Variants in SCG3 observed in about 807,000 individuals in gnomAD.
SCG3 encodes secretogranin-3.
Under a neutral mutation model 56.2 loss-of-function variants are expected in SCG3, and 38 were observed. The observed-to-expected ratio is 0.68, with a 90% confidence interval of 0.52 to 0.89. SCG3 has a LOEUF of 0.89. Among genes scored for constraint, SCG3 ranks in the 40% least tolerant of loss-of-function variants. SCG3 has a pLI of 0.00. For missense variants in SCG3, 524 were observed against 540.7 expected, an observed-to-expected ratio of 0.97 and a Z score of 0.31; for synonymous variants, 176 against 184.2, an observed-to-expected ratio of 0.96 and a Z score of 0.36.
intron 10 of SCG3, among the ~76,000 whole-genome samples, chr15:51,704,760 A>ATAC (rs2055362722): frequency 4.5e-5 from 2 of 44,096 alleles, no homozygotes; most frequent in Non-Finnish European, 1.0e-4. Context: ...TGTTGTGAGT[A>ATAC]ATACATATAT....
At chr15:51,691,802 T>C (rs983738291) in intron 6 of SCG3, among the ~76,000 whole-genome samples, 7 of 152,166 alleles carry the variant, frequency 4.6e-5, no homozygotes, top group Non-Finnish European at 8.8e-5. Context: ...GTGGATTCTG[T>C]GAACTCAAAG....
intron 10 of SCG3, among the ~76,000 whole-genome samples, chr15:51,704,244 C>CATACATATATATATATATATAT (rs751546589): frequency 1.1e-3 from 78 of 73,600 alleles, no homozygotes; most frequent in East Asian, 3.6e-3. Context: ...TACATACATA[C>CATACATATATATATATATATAT]ATATATATAT....
At chr15:51,710,834 G>A (rs1047205158) in intron 10 of SCG3, among the ~76,000 whole-genome samples, 4 of 148,192 alleles carry the variant, frequency 2.7e-5, no homozygotes, top group Non-Finnish European at 5.9e-5. Flanking sequence ...AGGTTCAAGC[G>A]ATCTGCCCAC....
At chr15:51,699,841 C>T (rs1413184052) in intron 9 of SCG3, among the ~76,000 whole-genome samples, 1 of 152,022 alleles carries the variant, frequency 6.6e-6, no homozygotes, top group East Asian at 1.9e-4. Flanking sequence ...TGGTCTGTGC[C>T]CCTAGGTAGT....
intron 11 of SCG3, among the ~76,000 whole-genome samples, chr15:51,718,844 A>G (rs77984223): frequency 6.7e-6 from 1 of 149,818 alleles, no homozygotes; most frequent in African/African-American, 2.4e-5. Context: ...TCTTAATTTG[A>G]AAAAAAAAAG....
intron 10 of SCG3, among the ~76,000 whole-genome samples, chr15:51,711,021 GA>G (rs765285838): frequency 6.6e-6 from 1 of 152,166 alleles, no homozygotes; most frequent in Non-Finnish European, 1.5e-5. Flanking sequence ...GTAGGTACAT[GA>G]GCAGGAAGAG....
chr15:51,688,140 C>T, intron 4 of SCG3, 120 bp from the exon 5 acceptor site: 7 of 972,462 alleles, frequency 7.2e-6, no homozygotes, highest in Admixed American at 2.9e-5. Context: ...CGAGAACCAC[C>T]ATAAATACAT....
chr15:51,686,693 T>TTGTTTGTTTGTTTGTA (rs2055231086), intron 4 of SCG3, among the ~76,000 whole-genome samples: 1 of 151,566 alleles, frequency 6.6e-6, no homozygotes, highest in African/African-American at 2.4e-5. Context: ...GTTTGTTTGT[T>TTGTTTGTTTGTTTGTA]TGTTTGTTTG....
intron 10 of SCG3, among the ~76,000 whole-genome samples, chr15:51,704,280 A>AT (rs2055359648): frequency 5.1e-5 from 3 of 59,208 alleles, no homozygotes; most frequent in Non-Finnish European, 1.1e-4. Flanking sequence ...TATATATATA[A>AT]AATAGCTCTT....
At chr15:51,700,367 A>G (rs1271894237) in intron 9 of SCG3, among the ~76,000 whole-genome samples, 5 of 152,220 alleles carry the variant, frequency 3.3e-5, no homozygotes, top group Non-Finnish European at 5.9e-5. Flanking sequence ...TTGAGGTTCC[A>G]AATATTTTAT....
At chr15:51,708,576 C>A (rs369987986) in intron 10 of SCG3, among the ~76,000 whole-genome samples, 2 of 152,194 alleles carry the variant, frequency 1.3e-5, no homozygotes, top group Non-Finnish European at 2.9e-5. Context: ...AACTGCCTTG[C>A]CGGGCGCGGA....
intron 11 of SCG3, among the ~76,000 whole-genome samples, chr15:51,714,566 T>C (rs1049088134): frequency 1.3e-5 from 2 of 152,184 alleles, no homozygotes; most frequent in Non-Finnish European, 2.9e-5. Context: ...AACTTTAAAG[T>C]GCATCCAAAT....
chr15:51,718,652 G>T (rs1391813446), intron 11 of SCG3, among the ~76,000 whole-genome samples: 1 of 151,790 alleles, frequency 6.6e-6, no homozygotes, highest in Non-Finnish European at 1.5e-5. Flanking sequence ...TTTTTAAAAG[G>T]CTTCAGAAAG....
At chr15:51,683,584 C>T (rs1446792176) in intron 4 of SCG3, 150 bp downstream of exon 4, 1 of 510,504 alleles carries the variant, frequency 2.0e-6, no homozygotes, top group Non-Finnish European at 3.4e-6. Context: ...TTACTGATAA[C>T]ATGTAGAGCC....
At chr15:51,706,751 T>C (rs1170392824) in intron 10 of SCG3, among the ~76,000 whole-genome samples, 1 of 152,080 alleles carries the variant, frequency 6.6e-6, no homozygotes, top group African/African-American at 2.4e-5. Flanking sequence ...CACGTTTCTA[T>C]GAATCTCATT....
At chr15:51,700,936 TTC>T (rs2055335356) in intron 9 of SCG3, among the ~76,000 whole-genome samples, 169 bp from the exon 10 acceptor site, 2 of 152,180 alleles carry the variant, frequency 1.3e-5, no homozygotes, top group Non-Finnish European at 2.9e-5. Context: ...CAATTTCCTC[TTC>T]TGTGATATGG....
In SCG3 at chr15:51,699,392, G is replaced by T. The variant is rs1286561156; in HGVS notation, c.1059G>T (p.Lys353Asn). The change falls in exon 9 of 12, where the codon AAG (lysine) becomes AAT (asparagine). Residue 353 changes from lysine (K) to asparagine (N), a missense_variant. Physicochemically the swap from Lys to Asn is moderately conservative, Grantham distance 94. Coordinates refer to ENST00000220478, the MANE Select transcript of SCG3 (RefSeq NM_013243.4). The part of the protein sequence containing the change: ...LEKNATDNIS[K>N]LFPAPSEKSH... The stretch of plus-strand genomic sequence containing the variant: ...AAAATGCTACTGACAATATAAGCAA[G>T]CTTTTCCCAGGTATGATTATTTAAC... The T allele has an allele frequency of 3.8e-6, 6 of 1,599,358 alleles. No individual in the cohort carries two copies. Among genetic ancestry groups the T allele is most frequent in the Non-Finnish European group, 5.1e-6 (6 of 1,171,546 alleles).
At chr15:51,709,924 G>C (rs541921893) in intron 10 of SCG3, among the ~76,000 whole-genome samples, 54 of 127,846 alleles carry the variant, frequency 4.2e-4, no homozygotes, top group African/African-American at 1.5e-3. Flanking sequence ...TTTTAGTAGA[G>C]ACGGGGTTTC....
intron 10 of SCG3, 92 bp downstream of exon 10, chr15:51,701,336 T>G: frequency 3.0e-6 from 4 of 1,312,440 alleles, no homozygotes; most frequent in East Asian, 2.4e-5. Flanking sequence ...GCAAGCTCCA[T>G]CACATCTGAG....
Sources: gnomAD v4.1 joint callset for allele counts (sites outside exome capture counted in the v4.1 genomes callset) on GRCh38, gnomAD v4.1.1 for gene constraint, MANE v1.5 for transcripts, NCBI Gene and HGNC (gene_info 2026-07-23, HGNC 2026-07-21) for gene names.